Variants in FLG2 observed in about 807,000 individuals in gnomAD.
FLG2 encodes the protein filaggrin 2.
A neutral mutation model predicts 3.9 loss-of-function variants in FLG2; 7 were observed. That is an observed-to-expected ratio of 1.79 (90% CI 1.02 to 3.36). FLG2 has a LOEUF of 3.36. Ranked by LOEUF, FLG2 falls within the 30% of genes most tolerant of loss-of-function variation. The pLI is 0.00. For synonymous variants in FLG2, 1,031 were observed against 1,056.1 expected (o/e 0.98, Z 0.46); for missense variants, 2,700 against 2,809.4 (o/e 0.96, Z 0.88).
Position 152,353,158 on chromosome 1 carries a change from G to A in FLG2, c.4628C>T (p.Thr1543Ile), listed in dbSNP as rs770142775. The A allele has an allele frequency of 5.9e-5, 96 of 1,613,726 alleles. No individual in the cohort carries two copies. Among genetic ancestry groups the A allele is most frequent in the Admixed American group, 8.3e-5 (5 of 59,976 alleles). ...ESIIHDRHRI[T>I]HGQTGDTTRH... Reference sequence around the variant, plus strand: ...AGTGGTATCTCCTGTCTGTCCATGAGTAATTCTGTGTCTGTCATGAATTAT... The same window carrying A: ...AGTGGTATCTCCTGTCTGTCCATGAATAATTCTGTGTCTGTCATGAATTAT... The change falls in exon 3 of 3, where the codon ACT (threonine) becomes ATT (isoleucine). Residue 1543 changes from threonine (T) to isoleucine (I), a missense_variant. Coordinates refer to ENST00000388718, the MANE Select transcript of FLG2 (RefSeq NM_001014342.3).
intron 2 of FLG2, among the ~76,000 whole-genome samples, chr1:152,358,237 G>T (rs1654321731): frequency 6.6e-6 from 1 of 152,042 alleles, no homozygotes; most frequent in South Asian, 2.1e-4. Context: ...TAGCCAGGAT[G>T]GTCTTGATCT....
In FLG2 at chr1:152,357,575, A is replaced by G. The variant is rs1345808114; in HGVS notation, c.211T>C (p.Phe71Leu). The change falls in exon 3 of 3, where the codon TTT becomes CTT. Residue 71 changes from phenylalanine (F) to leucine (L), a missense_variant. Physicochemically the swap from Phe to Leu is conservative, Grantham distance 22 (BLOSUM62 0). Coordinates refer to ENST00000388718, the MANE Select transcript of FLG2 (RefSeq NM_001014342.3). ...AATATCATCAAAAGAAACTCAGTAA[A>G]GTCCAATCTTCTGTCATGATCTCGA... ...LDRDHDRRLD[F>L]TEFLLMIFKL... 2 of 1,613,986 alleles carry G rather than the reference A, an allele frequency of 1.2e-6. No homozygotes were observed. The highest frequency in any genetic ancestry group is 1.7e-6 in the Non-Finnish European group (2 of 1,180,032).
At position 152,355,465 on chromosome 1, in the gene FLG2, C is replaced by G; in HGVS notation, c.2321G>C (p.Ser774Thr). ...RSGQSSYGQH[S>T]SGSSQSSGYG... ...GCCAGATGACTGACTTGAGCCAGAA[C>G]TGTGTTGGCCATAGCTAGACTGACC... The change falls in exon 3 of 3, where the codon AGT (serine) becomes ACT (threonine). Residue 774 changes from serine to threonine, a missense_variant. Transcript: ENST00000388718. 1.9e-6 allele frequency: 3 copies of G among 1,612,722 alleles called. No individual in the cohort carries two copies. The highest frequency in any genetic ancestry group is 2.5e-6 in the Non-Finnish European group (3 of 1,179,780).
Position 152,355,909 on chromosome 1 carries a change from C to T in FLG2, c.1877G>A (p.Ser626Asn). ...ATGTTGGCCATAGCCAGATGACTGA[C>T]TTGAGCCAGAACTGTGTTGGCCATA... ...SSYGQHSSGS[S>N]QSSGYGQHGS... The change falls in exon 3 of 3, where the codon AGT becomes AAT. Residue 626 changes from serine (S) to asparagine (N), a missense_variant. Coordinates refer to ENST00000388718, the MANE Select transcript of FLG2 (RefSeq NM_001014342.3). 1 of 1,607,370 alleles carries T rather than the reference C, an allele frequency of 6.2e-7. No homozygotes were observed.
chr1:152,355,778 G>A lies in FLG2; in HGVS notation c.2008C>T (p.Gln670Ter), dbSNP rs747496273. The A allele has an allele frequency of 5.0e-6, 8 of 1,613,444 alleles. No homozygotes were observed. Among genetic ancestry groups the A allele is most frequent in the South Asian group, 2.2e-5 (2 of 91,028 alleles). Residue 670 changes from glutamine to a stop codon, truncating the protein, a stop_gained, in exon 3 of 3, where the codon CAA (glutamine) becomes TAA (stop). Coordinates refer to ENST00000388718, the MANE Select transcript of FLG2 (RefSeq NM_001014342.3). LOFTEE classifies it low-confidence loss of function (END_TRUNC). ...SGSGQSSGFG[Q>*]HVSGSGQSSG... ...GATTGTCCTGAGCCAGAAACATGTT[G>A]TCCAAAGCCAGAGGACTGACCTGAG...
rs776988828 is a variant in FLG2, at chr1:152,354,996, A to C, written c.2790T>G (p.Ser930Arg). 2.5e-6 allele frequency: 4 copies of C among 1,589,104 alleles called. No homozygotes were observed. ...SSYGQHGSGSSQSSGYGQHGS... is the reference protein window; with the variant it reads ...SSYGQHGSGSRQSSGYGQHGS... Reference sequence around the variant, plus strand: ...CATGTTGACCATAGCCAGATGACTGACTTGAGCCAGAACCATGTTGGCCAT... The same window carrying C: ...CATGTTGACCATAGCCAGATGACTGCCTTGAGCCAGAACCATGTTGGCCAT... The change falls in exon 3 of 3, where the codon AGT (serine) becomes AGG (arginine). Residue 930 changes from serine to arginine, a missense_variant. Ser to Arg is a moderately radical substitution (Grantham distance 110). Transcript: ENST00000388718.
In FLG2 at chr1:152,357,086, T is replaced by C. The variant is rs755590001; in HGVS notation, c.700A>G (p.Arg234Gly). The change falls in exon 3 of 3, where the codon AGG (arginine) becomes GGG (glycine). Residue 234 changes from arginine to glycine, a missense_variant. Coordinates refer to ENST00000388718, the MANE Select transcript of FLG2 (RefSeq NM_001014342.3). ...CATGACAGACCACCATGACCTTTCC[T>C]TTCCCAACTGTTTGATCCAGATCCA... ...ESGSGSNSWE[R>G]KGHGGLSCGL... is the part of the protein sequence containing the mutation. 4 of 1,614,224 alleles carry C rather than the reference T, an allele frequency of 2.5e-6. No individual in the cohort carries two copies. The Admixed American group carries it at 6.7e-5, about 27-fold the overall frequency.
In FLG2 at chr1:152,356,212, G is replaced by A; in HGVS notation, c.1574C>T (p.Ser525Leu). ...SSGFGQHGSV[S>L]GQSSGFGQHE... ...TTGTCCAAAACCAGAGGATTGTCCTGAGACAGACCCATGCTGTCCAAAACC... is the reference window on the plus strand; with the variant it reads ...TTGTCCAAAACCAGAGGATTGTCCTAAGACAGACCCATGCTGTCCAAAACC... The change falls in exon 3 of 3, where the codon TCA (serine) becomes TTA (leucine). Residue 525 changes from serine to leucine, a missense_variant. Ser to Leu is a moderately radical substitution (Grantham distance 145). Transcript: ENST00000388718. 6 of 1,613,612 alleles carry A rather than the reference G, an allele frequency of 3.7e-6. No individual in the cohort carries two copies. Among genetic ancestry groups the A allele is most frequent in the Non-Finnish European group, 5.1e-6 (6 of 1,179,688 alleles).
Position 152,351,792 on chromosome 1 carries a change from A to G in FLG2, c.5994T>C (p.His1998=), listed in dbSNP as rs144916315. ...GTCTAGTGGTATCTGCTGTTTGTCC[A>G]TGAGTAGTTCCGTGTCTCTCATGAA... ...SSVHERHGTT[H]GQTADTTRHG... Residue 1998 remains histidine (H), a synonymous_variant, in exon 3 of 3, where the codon CAT becomes CAC. Transcript: ENST00000388718. 2.5e-6 allele frequency: 4 copies of G among 1,611,496 alleles called. No homozygotes were observed. Among genetic ancestry groups the G allele is most frequent in the South Asian group, 1.1e-5 (1 of 91,022 alleles).
Position 152,354,506 on chromosome 1 carries a change from A to T in FLG2, c.3280T>A (p.Ser1094Thr). 1 of 1,613,954 alleles carries T rather than the reference A, an allele frequency of 6.2e-7. No individual in the cohort carries two copies. The highest frequency in any genetic ancestry group is 8.5e-7 in the Non-Finnish European group (1 of 1,179,974). The change falls in exon 3 of 3, where the codon TCA (serine) becomes ACA (threonine). Residue 1094 changes from serine to threonine, a missense_variant. Coordinates refer to ENST00000388718, the MANE Select transcript of FLG2 (RefSeq NM_001014342.3). Reference sequence around the variant, plus strand: ...AATCCAGATGTCTGTCCTGAATTTGACCCATGTTGACCATAGCCAGATGAT... The same window carrying T: ...AATCCAGATGTCTGTCCTGAATTTGTCCCATGTTGACCATAGCCAGATGAT... ...SQSSGYGQHG[S>T]NSGQTSGFGQ...
chr1:152,358,581 C>G (rs1185009354), intron 2 of FLG2, among the ~76,000 whole-genome samples, 166 bp downstream of exon 2: 2 of 152,188 alleles, frequency 1.3e-5, no homozygotes, highest in African/African-American at 4.8e-5. Context: ...CATTCACTTT[C>G]TTTAAAATAT....
rs940728888 is a variant in FLG2, at chr1:152,350,903, C to T, written c.6883G>A (p.Glu2295Lys). Reference sequence around the variant, plus strand: ...TCTCCTGTCTGTCCATGAGTAGTTTCCAGTCTCCCATGAACTGTGGATCCT... The same window carrying T: ...TCTCCTGTCTGTCCATGAGTAGTTTTCAGTCTCCCATGAACTGTGGATCCT... ...QPGSTVHGRL[E>K]TTHGQTGDTT... The change falls in exon 3 of 3, where the codon GAA becomes AAA. Residue 2295 changes from glutamate (E) to lysine (K), a missense_variant. Transcript: ENST00000388718. The T allele has an allele frequency of 1.9e-6, 3 of 1,613,830 alleles. No homozygotes were observed. Among genetic ancestry groups the T allele is most frequent in the Non-Finnish European group, 2.5e-6 (3 of 1,179,954 alleles).
chr1:152,352,762 C>A lies in FLG2; in HGVS notation c.5024G>T (p.Gly1675Val), dbSNP rs1243356888. The A allele has an allele frequency of 1.2e-6, 2 of 1,613,772 alleles. No individual in the cohort carries two copies. Among genetic ancestry groups the A allele is most frequent in the Non-Finnish European group, 1.7e-6 (2 of 1,179,948 alleles). The change falls in exon 3 of 3, where the codon GGT (glycine) becomes GTT (valine). Residue 1675 changes from glycine (G) to valine (V), a missense_variant. Transcript: ENST00000388718. ...VSHTHTGHTH[G>V]QAGSQHGQSE... ...CTGTCCATGTTGAGATCCAGCTTGA[C>A]CATGAGTGTGTCCTGTATGTGTGTG...
In FLG2 at chr1:152,354,937, T is replaced by C. The variant is rs1288308098; in HGVS notation, c.2849A>G (p.Gln950Arg). 1 of 1,613,452 alleles carries C rather than the reference T, an allele frequency of 6.2e-7. No individual in the cohort carries two copies. The highest frequency in any genetic ancestry group is 1.7e-5 in the Admixed American group (1 of 59,936). ...SSSGQTFGFG[Q>R]HRSGSGQSSG... ...GGATTGACCTGAGCCTGACCTGTGT[T>C]GTCCAAATCCAAAAGTCTGTCCTGA... Residue 950 changes from glutamine to arginine, a missense_variant, in exon 3 of 3, where the codon CAA (glutamine) becomes CGA (arginine). Gln to Arg is a conservative substitution (Grantham distance 43). Coordinates refer to ENST00000388718, the MANE Select transcript of FLG2 (RefSeq NM_001014342.3).
At chr1:152,357,673 A>G in intron 2 of FLG2, 26 bp from the exon 3 acceptor site, 1 of 1,548,226 alleles carries the variant, frequency 6.5e-7, no homozygotes, top group Non-Finnish European at 8.8e-7. Flanking sequence ...ACACCAAGGG[A>G]GACCTGGTCA....
chr1:152,354,386 C>G lies in FLG2; in HGVS notation c.3400G>C (p.Gly1134Arg). The G allele has an allele frequency of 6.2e-7, 1 of 1,614,046 alleles. No homozygotes were observed. The highest frequency in any genetic ancestry group is 8.5e-7 in the Non-Finnish European group (1 of 1,180,014). The change falls in exon 3 of 3, where the codon GGC (glycine) becomes CGC (arginine). Residue 1134 changes from glycine (G) to arginine (R), a missense_variant. Coordinates refer to ENST00000388718, the MANE Select transcript of FLG2 (RefSeq NM_001014342.3). ...GCAAAGCCAGAGGATTTACCTGTGC[C>G]TGACCCATGTTGTCCAAAGCCAGAA... ...QSSGFGQHGSGTGKSSGFAQH... is the reference protein window; with the variant it reads ...QSSGFGQHGSRTGKSSGFAQH...
rs368229804 is a variant in FLG2 at position 152,351,391 on chromosome 1, T to G, written c.6395A>C (p.Gln2132Pro). ...SGHTYGQARS[Q>P]HGESGSAIHG... ...AATGGCAGATCCTGACTCTCCATGT[T>G]GAGATCTGGCTTGGCCATAAGTGTG... Residue 2132 changes from glutamine to proline, a missense_variant, in exon 3 of 3, where the codon CAA becomes CCA. Physicochemically the swap from Gln to Pro is moderately conservative, Grantham distance 76. Transcript: ENST00000388718. 35 of 1,612,842 alleles carry G rather than the reference T, an allele frequency of 2.2e-5. No homozygotes were observed. The highest frequency in any genetic ancestry group is 2.9e-5 in the Non-Finnish European group (34 of 1,179,780).
intron 2 of FLG2, among the ~76,000 whole-genome samples, chr1:152,358,394 C>G (rs1278523447): frequency 6.6e-6 from 1 of 152,122 alleles, no homozygotes; most frequent in African/African-American, 2.4e-5. Flanking sequence ...ATTTTGTCAA[C>G]TCCCTATGTA....
chr1:152,350,687 T>C lies in FLG2; in HGVS notation c.7099A>G (p.Ser2367Gly). The C allele has an allele frequency of 1.2e-6, 2 of 1,614,222 alleles. No individual in the cohort carries two copies. The highest frequency in any genetic ancestry group is 1.7e-6 in the Non-Finnish European group (2 of 1,180,032). ...TGAGAATTACTGATGCTTTTTCTGC[T>C]GCCACCAGAAGGCCCATACCCAGTG... ...GHTGYGPSGGSRKSISNSHLS... is the reference protein window; with the variant it reads ...GHTGYGPSGGGRKSISNSHLS... The change falls in exon 3 of 3, where the codon AGC becomes GGC. Residue 2367 changes from serine to glycine, a missense_variant. By Grantham distance (56) the Ser-to-Gly change is moderately conservative (BLOSUM62 0). Coordinates refer to ENST00000388718, the MANE Select transcript of FLG2 (RefSeq NM_001014342.3).
Sources: allele counts gnomAD v4.1 joint callset (sites outside exome capture counted in the v4.1 genomes callset), GRCh38; gene constraint gnomAD v4.1.1; transcripts MANE v1.5; gene names NCBI Gene and HGNC (gene_info 2026-07-23, HGNC 2026-07-21).